Variants in MKRN2OS observed in about 807,000 individuals in gnomAD.
MKRN2OS encodes MKRN2 opposite strand protein.
In MKRN2OS, 17 loss-of-function variants were observed where a neutral mutation model predicts 18.2. The observed-to-expected ratio is 0.93, with a 90% CI of 0.64 to 1.40. The LOEUF (loss-of-function observed/expected upper bound fraction) is 1.40. Ranked by LOEUF, MKRN2OS falls within the 40% of genes most tolerant of loss-of-function variation. The pLI is 0.00. For synonymous variants in MKRN2OS, 121 were observed against 108.5 expected, an observed-to-expected ratio of 1.12 and a Z score of -0.72; for missense variants, 337 against 283.0, an observed-to-expected ratio of 1.19 and a Z score of -1.37.
At chr3:12,552,443 A>T, downstream of MKRN2OS, among the ~76,000 whole-genome samples, 1 of 144,094 alleles carries the variant, frequency 6.9e-6, no homozygotes. Context: ...ACGGAGTCTC[A>T]CTCTGTCGTC....
upstream of MKRN2OS, chr3:12,545,549 A>G: frequency 1.9e-6 from 2 of 1,046,974 alleles, no homozygotes; most frequent in Non-Finnish European, 2.7e-6. Flanking sequence ...CACCGCCCCA[A>G]GGAACCTGAT....
chr3:12,550,348 C>T (rs1226000747), upstream of MKRN2OS, among the ~76,000 whole-genome samples: 2 of 152,120 alleles, frequency 1.3e-5, no homozygotes, highest in Non-Finnish European at 2.9e-5. Flanking sequence ...AGGCTGTATA[C>T]GGTATGACTC....
chr3:12,543,179 C>G lies in MKRN2OS; in HGVS notation c.268+1G>C, dbSNP rs1339466541. On this transcript the variant is annotated splice_donor_variant, in intron 2 of 3. Transcript: ENST00000564146. LOFTEE classifies it high-confidence loss of function. Reference sequence around the variant, plus strand: ...TTTTTAAGCTACAAAACTGCACTTACCATTTGTGTTAGTTATTCCAACATG... The same window carrying G: ...TTTTTAAGCTACAAAACTGCACTTAGCATTTGTGTTAGTTATTCCAACATG... 7 of 1,535,304 alleles carry G rather than the reference C, an allele frequency of 4.6e-6. No individual in the cohort carries two copies. Among genetic ancestry groups the G allele is most frequent in the Non-Finnish European group, 4.4e-6 (5 of 1,146,424 alleles).
rs914990769 is a variant in MKRN2OS, at chr3:12,545,301, C to A, written c.164G>T (p.Gly55Val). The change falls in exon 1 of 4, where the codon GGA (glycine) becomes GTA (valine). Residue 55 changes from glycine to valine, a missense_variant. By Grantham distance (109) the Gly-to-Val change is moderately radical (BLOSUM62 -3). Transcript: ENST00000564146. ...PVSIANPFTN[G>V]HQEKCSFLLR... ...GAGGAATGAACATTTTTCTTGATGTCCATTAGTAAATGGATTAGCGATGCT... is the reference window on the plus strand; with the variant it reads ...GAGGAATGAACATTTTTCTTGATGTACATTAGTAAATGGATTAGCGATGCT... The A allele has an allele frequency of 3.4e-5, 52 of 1,535,938 alleles. No individual in the cohort carries two copies. Among genetic ancestry groups the A allele is most frequent in the Admixed American group, 1.2e-4 (6 of 50,968 alleles).
Position 12,545,282 on chromosome 3 carries a change from T to G in MKRN2OS, c.183A>C (p.Ser61=), listed in dbSNP as rs774794778. Residue 61 remains serine, a synonymous_variant, in exon 1 of 4, where the codon TCA becomes TCC. Transcript: ENST00000564146. ...TCCCCTGAGTTGGTCTGAGGAGGAA[T>G]GAACATTTTTCTTGATGTCCATTAG... ...PFTNGHQEKC[S]FLLRPTQGTF... is the part of the protein sequence containing the mutation. 1 of 1,536,044 alleles carries G rather than the reference T, an allele frequency of 6.5e-7. No homozygotes were observed. The highest frequency in any genetic ancestry group is 1.2e-5 in the South Asian group (1 of 84,046).
rs2057775651 is a variant in MKRN2OS at position 12,540,259 on chromosome 3, A to G, written c.606T>C (p.His202=). Residue 202 remains histidine (H), a synonymous_variant, in exon 4 of 4, where the codon CAT becomes CAC. Coordinates refer to ENST00000564146, the MANE Select transcript of MKRN2OS (RefSeq NM_001195279.2). Reference sequence around the variant, plus strand: ...GGGGACAGTCAGTGACGTAGAAGCCATGCTCCCGTATCGCCCGGTAGAGTG... The same window carrying G: ...GGGGACAGTCAGTGACGTAGAAGCCGTGCTCCCGTATCGCCCGGTAGAGTG... The part of the protein sequence containing the change: ...FITLYRAIRE[H]GFYVTDCPQQ... 2.6e-6 allele frequency: 4 copies of G among 1,535,982 alleles called. No individual in the cohort carries two copies. Among genetic ancestry groups the G allele is most frequent in the African/African-American group, 1.4e-5 (1 of 73,040 alleles).
chr3:12,551,153 C>T (rs2057926488), downstream of MKRN2OS, among the ~76,000 whole-genome samples: 1 of 150,938 alleles, frequency 6.6e-6, no homozygotes, highest in Non-Finnish European at 1.5e-5. Context: ...GGCCAAGACC[C>T]ACAAAATGAG....
At chr3:12,547,524 CAA>C (rs35064810), upstream of MKRN2OS, among the ~76,000 whole-genome samples, 11,052 of 152,110 alleles carry the variant, frequency 0.073, 517 homozygotes, top group Admixed American at 0.16. Flanking sequence ...GCTTGGGTGA[CAA>C]GAGAAAAACA....
chr3:12,540,572 G>A lies in MKRN2OS; in HGVS notation c.432-139C>T, dbSNP rs1262873936. 7.0e-6 allele frequency: 7 copies of A among 998,574 alleles called. No homozygotes were observed. The African/African-American group carries it at 8.0e-5, about 11-fold the overall frequency. The allele number at this position is 998,574 out of a possible 1,614,324, so 61.9% of individuals were successfully genotyped here. A position where few individuals can be genotyped will look rare whatever the true frequency, so the allele number is the denominator to read the frequency against. On this transcript the variant is annotated intron_variant, in intron 3 of 3. Coordinates refer to ENST00000564146, the MANE Select transcript of MKRN2OS (RefSeq NM_001195279.2). ...ATGTGCTGGCTTATGTGGTTAAGAA[G>A]CTTCAAGATGTGCACTTCAGGCCGG...
chr3:12,559,327 A>C (rs1186656473), intron 1 of MKRN2OS, among the ~76,000 whole-genome samples: 1 of 152,238 alleles, frequency 6.6e-6, no homozygotes, highest in Non-Finnish European at 1.5e-5. Context: ...TATCTCATTA[A>C]CAAAAGCCTT....
intron 2 of MKRN2OS, among the ~76,000 whole-genome samples, chr3:12,542,440 T>C (rs1423967340): frequency 1.3e-5 from 2 of 152,180 alleles, no homozygotes; most frequent in East Asian, 3.8e-4. Flanking sequence ...TGACTGTTCT[T>C]GTGGGTAACT....
downstream of MKRN2OS, among the ~76,000 whole-genome samples, chr3:12,552,434 C>T (rs1408259347): frequency 7.9e-5 from 11 of 139,760 alleles, no homozygotes; most frequent in Non-Finnish European, 7.6e-5. Flanking sequence ...TTTTTTAAGA[C>T]GGAGTCTCAC....
At position 12,545,365 on chromosome 3, in the gene MKRN2OS, G is replaced by C. The variant is rs966990833; in HGVS notation, c.100C>G (p.Gln34Glu). The C allele has an allele frequency of 1.3e-6, 2 of 1,535,978 alleles. No individual in the cohort carries two copies. Among genetic ancestry groups the C allele is most frequent in the Non-Finnish European group, 1.7e-6 (2 of 1,146,888 alleles). ...TCCAGCTTCCTCGAGCCCAGGTCCTGCTGGCAGAGAGGGCAGCACTGGGGC... is the reference window on the plus strand; with the variant it reads ...TCCAGCTTCCTCGAGCCCAGGTCCTCCTGGCAGAGAGGGCAGCACTGGGGC... The part of the protein sequence containing the change: ...SVPQCCPLCQ[Q>E]DLGSRKLEDA... Residue 34 changes from glutamine to glutamate, a missense_variant, in exon 1 of 4, where the codon CAG becomes GAG. Transcript: ENST00000564146.
At position 12,555,847 on chromosome 3, in the gene MKRN2OS, G is replaced by A. The variant is rs576145522; in HGVS notation, n.265-1713C>T. Among the ~76,000 whole-genome samples, 11 of 152,272 alleles carry A rather than the reference G, an allele frequency of 7.2e-5. No individual in the cohort carries two copies. In the East Asian group the frequency reaches 1.7e-3, roughly 24 times the overall value. ...TACTCCAGCATTTTGAAGTTTAGTC[G>A]AGCATGGTGTCGCGCACCTGTATTC... On this transcript the variant is annotated intron_variant and non_coding_transcript_variant, in intron 1 of 1. Transcript: ENST00000447550.
At chr3:12,550,421 C>T (rs758079200), upstream of MKRN2OS, among the ~76,000 whole-genome samples, 6 of 152,014 alleles carry the variant, frequency 3.9e-5, no homozygotes, top group East Asian at 1.9e-4. Context: ...CAGTGGTTGA[C>T]GGAAGGGAGG....
intron 1 of MKRN2OS, among the ~76,000 whole-genome samples, chr3:12,559,071 A>G (rs1246782208): frequency 2.0e-5 from 3 of 152,234 alleles, no homozygotes; most frequent in African/African-American, 4.8e-5. Flanking sequence ...GGACTTATCA[A>G]AGCTTTTAAT....
Position 12,539,988 on chromosome 3 carries a change from T to C in MKRN2OS, c.*205A>G. On this transcript the variant is annotated 3_prime_UTR_variant, in exon 4 of 4. Transcript: ENST00000564146. ...TTAGTAAGGACGGGGTTTCTCCATGTTGGTCAGGCTGGTCTCAAACTCCCA... is the reference window on the plus strand; with the variant it reads ...TTAGTAAGGACGGGGTTTCTCCATGCTGGTCAGGCTGGTCTCAAACTCCCA... 6.5e-6 allele frequency: 4 copies of C among 613,286 alleles called. No homozygotes were observed. The South Asian group carries it at 8.0e-5, about 12-fold the overall frequency. The allele number at this position is 613,286 out of a possible 1,614,324, so 38.0% of individuals were successfully genotyped here.
At chr3:12,540,828 C>G (rs558940406) in intron 3 of MKRN2OS, among the ~76,000 whole-genome samples, 1 of 147,084 alleles carries the variant, frequency 6.8e-6, no homozygotes, top group East Asian at 2.0e-4. Flanking sequence ...AAGCCAAGAT[C>G]GCACCACTGT....
chr3:12,546,327 G>A (rs924107554), upstream of MKRN2OS, among the ~76,000 whole-genome samples: 2 of 152,036 alleles, frequency 1.3e-5, no homozygotes, highest in Non-Finnish European at 2.9e-5. Flanking sequence ...TAACAGCCCT[G>A]TTAGAAATAA....
Sources: allele counts gnomAD v4.1 joint callset (sites outside exome capture counted in the v4.1 genomes callset), GRCh38; gene constraint gnomAD v4.1.1; transcripts MANE v1.5; gene names NCBI Gene and HGNC (gene_info 2026-07-23, HGNC 2026-07-21).